CAMSAP2: variants seen among roughly 807,000 people sequenced by gnomAD.
The protein encoded by CAMSAP2 is calmodulin-regulated spectrin-associated protein 2.
Under a neutral mutation model 146.1 loss-of-function variants are expected in CAMSAP2, and 26 were observed. That is an observed-to-expected ratio of 0.18 (90% CI 0.13 to 0.25). The LOEUF is 0.25. Ranked by LOEUF, CAMSAP2 falls within the 10% of genes least tolerant of loss-of-function variation. The pLI is 1.00. For synonymous variants in CAMSAP2, 499 were observed against 596.6 expected (o/e 0.84, Z 2.38); for missense variants, 1,381 against 1,759.3 (o/e 0.78, Z 3.85).
chr1:200,771,842 C>T (rs2103013781), intron 2 of CAMSAP2, among the ~76,000 whole-genome samples: 1 of 152,280 alleles, frequency 6.6e-6, no homozygotes, highest in Non-Finnish European at 1.5e-5. Flanking sequence ...ACCGGTGCTG[C>T]TCAATTTCCA....
intron 1 of CAMSAP2, among the ~76,000 whole-genome samples, chr1:200,756,928 G>A (rs1664671112): frequency 6.6e-6 from 1 of 152,118 alleles, no homozygotes; most frequent in African/African-American, 2.4e-5. Flanking sequence ...TATTCATATC[G>A]GTACACCCTT....
At chr1:200,774,834 G>A (rs1000189023) in intron 2 of CAMSAP2, among the ~76,000 whole-genome samples, 1 of 152,186 alleles carries the variant, frequency 6.6e-6, no homozygotes, top group African/African-American at 2.4e-5. Flanking sequence ...TTCCTGGAGG[G>A]AACATCTTCA....
At chr1:200,777,449 A>G (rs1263962017) in intron 2 of CAMSAP2, among the ~76,000 whole-genome samples, 2 of 152,224 alleles carry the variant, frequency 1.3e-5, no homozygotes, top group Non-Finnish European at 2.9e-5. Flanking sequence ...AGAATATTGC[A>G]TGTATCTCTA....
intron 2 of CAMSAP2, among the ~76,000 whole-genome samples, chr1:200,786,298 T>C (rs1665587425): frequency 6.6e-6 from 1 of 152,148 alleles, no homozygotes; most frequent in African/African-American, 2.4e-5. Context: ...TAAAAAAATC[T>C]AGCTTCTTAA....
chr1:200,784,594 AT>A (rs56865744), intron 2 of CAMSAP2, among the ~76,000 whole-genome samples: 3 of 152,068 alleles, frequency 2.0e-5, no homozygotes, highest in Non-Finnish European at 2.9e-5. Context: ...AATTTTGAAC[AT>A]TTTTTTTATC....
intron 1 of CAMSAP2, among the ~76,000 whole-genome samples, chr1:200,747,986 C>CAAAAAAAA (rs901478330): frequency 1.5e-5 from 1 of 68,786 alleles, no homozygotes; most frequent in Non-Finnish European, 3.4e-5. Context: ...GACTCCGTCT[C>CAAAAAAAA]AAAAAAAAAA....
In CAMSAP2 at chr1:200,849,845, G is replaced by A; in HGVS notation, c.3076G>A (p.Gly1026Arg). ...GTCATTTGTATGTTTTGGGGATGAT[G>A]GAGAACCTCAGTTAAAGGAATCCAA... ...TRSFVCFGDDGEPQLKESKPK... is the reference protein window; with the variant it reads ...TRSFVCFGDDREPQLKESKPK... The change falls in exon 11 of 17, where the codon GGA (glycine) becomes AGA (arginine). Residue 1026 changes from glycine to arginine, a missense_variant. Coordinates refer to ENST00000358823, the MANE Select transcript of CAMSAP2 (RefSeq NM_203459.4). This position sits in a 1 kb window ranked among gnomAD's most constrained non-coding sequence, Gnocchi z 6.3. 1.2e-6 allele frequency: 2 copies of A among 1,614,156 alleles called. No homozygotes were observed. Among genetic ancestry groups the A allele is most frequent in the Non-Finnish European group, 1.7e-6 (2 of 1,180,040 alleles).
chr1:200,849,026 C>G lies in CAMSAP2; in HGVS notation c.2257C>G (p.Leu753Val), dbSNP rs764335575. 2 of 1,613,844 alleles carry G rather than the reference C, an allele frequency of 1.2e-6. No individual in the cohort carries two copies. The highest frequency in any genetic ancestry group is 1.3e-5 in the African/African-American group (1 of 74,854). The change falls in exon 11 of 17, where the codon CTT (leucine) becomes GTT (valine). Residue 753 changes from leucine to valine, a missense_variant. Around this residue, in one of 4 missense-constraint regions of CAMSAP2, gnomAD observed 560 missense variants for 715.9 expected, o/e 0.78. Coordinates refer to ENST00000358823, the MANE Select transcript of CAMSAP2 (RefSeq NM_203459.4). The surrounding 1 kb of genome is among the most constrained non-coding windows in gnomAD (Gnocchi z 6.3). ...GCTGTTGGCCTCTGAAATGGTGCATCTTAGGATGAAACTAGAAGAAAAGAG... is the reference window on the plus strand; with the variant it reads ...GCTGTTGGCCTCTGAAATGGTGCATGTTAGGATGAAACTAGAAGAAAAGAG... ...TQLLASEMVH[L>V]RMKLEEKRRA... is the part of the protein sequence containing the mutation.
In CAMSAP2 at chr1:200,832,580, C is replaced by T. The variant is rs2102217365; in HGVS notation, c.788-126C>T. On this transcript the variant is annotated intron_variant, in intron 5 of 16. Transcript: ENST00000358823. The surrounding 1 kb of genome is among the most constrained non-coding windows in gnomAD (Gnocchi z 4.2). Reference sequence around the variant, plus strand: ...GTTTCTAAGTCTTAATGTATAATGACTACTATATTTATAAATGTATGTTTG... The same window carrying T: ...GTTTCTAAGTCTTAATGTATAATGATTACTATATTTATAAATGTATGTTTG... 2.4e-6 allele frequency: 2 copies of T among 850,392 alleles called. No homozygotes were observed. The highest frequency in any genetic ancestry group is 1.8e-5 in the African/African-American group (1 of 56,996). 52.7% of individuals were successfully genotyped at this position (850,392 alleles called of 1,614,324 possible). A position where few individuals can be genotyped will look rare whatever the true frequency, so the allele number is the denominator to read the frequency against.
Position 200,849,297 on chromosome 1 carries a change from A to T in CAMSAP2, c.2528A>T (p.Asn843Ile). ...GCAGATATAAAAGAGAGCATGGAGA[A>T]TCCTCAAGCCAAATGGCTAAAGTCT... ...SLADIKESME[N>I]PQAKWLKSPT... The change falls in exon 11 of 17, where the codon AAT (asparagine) becomes ATT (isoleucine). Residue 843 changes from asparagine to isoleucine, a missense_variant. This residue lies in a region of CAMSAP2 where 560 missense variants were observed against 715.9 expected (regional missense o/e 0.78). Coordinates refer to ENST00000358823, the MANE Select transcript of CAMSAP2 (RefSeq NM_203459.4). The surrounding 1 kb of genome is among the most constrained non-coding windows in gnomAD (Gnocchi z 6.3). The T allele has an allele frequency of 6.2e-7, 1 of 1,614,074 alleles. No individual in the cohort carries two copies. Among genetic ancestry groups the T allele is most frequent in the African/African-American group, 1.3e-5 (1 of 75,064 alleles).
At chr1:200,758,237 T>A (rs1664700817) in intron 1 of CAMSAP2, among the ~76,000 whole-genome samples, 1 of 152,222 alleles carries the variant, frequency 6.6e-6, no homozygotes, top group Non-Finnish European at 1.5e-5. Flanking sequence ...ATAATGAGCA[T>A]TTACTTTTCA....
At chr1:200,748,179 C>T (rs925532579) in intron 1 of CAMSAP2, among the ~76,000 whole-genome samples, 1 of 152,112 alleles carries the variant, frequency 6.6e-6, no homozygotes, top group Non-Finnish European at 1.5e-5. Flanking sequence ...TTCATGTACC[C>T]ATCATCCAGC....
At position 200,852,606 on chromosome 1, in the gene CAMSAP2, A is replaced by T; in HGVS notation, c.3531A>T (p.Arg1177Ser). The T allele has an allele frequency of 1.2e-6, 2 of 1,613,936 alleles. No homozygotes were observed. The highest frequency in any genetic ancestry group is 1.7e-6 in the Non-Finnish European group (2 of 1,179,940). Residue 1177 changes from arginine to serine, a missense_variant, in exon 12 of 17, where the codon AGA becomes AGT. By Grantham distance (110) the Arg-to-Ser change is moderately radical (BLOSUM62 -1). Transcript: ENST00000358823. Reference sequence around the variant, plus strand: ...CAGCTTTGTTGGAGAAAAGATTAAGAAGGGAAAAGGAAACTCAGCTCCGGA... The same window carrying T: ...CAGCTTTGTTGGAGAAAAGATTAAGTAGGGAAAAGGAAACTCAGCTCCGGA... ...KRAALLEKRL[R>S]REKETQLRKQ...
intron 2 of CAMSAP2, among the ~76,000 whole-genome samples, chr1:200,780,852 A>G (rs1277503956): frequency 6.6e-6 from 1 of 152,206 alleles, no homozygotes; most frequent in Non-Finnish European, 1.5e-5. Context: ...AACGAGGTGG[A>G]TATCATGACT....
At chr1:200,757,658 G>C (rs956752173) in intron 1 of CAMSAP2, among the ~76,000 whole-genome samples, 5 of 151,706 alleles carry the variant, frequency 3.3e-5, no homozygotes, top group East Asian at 3.9e-4. Flanking sequence ...TATACCATTG[G>C]TAAAATGATA....
In CAMSAP2 at chr1:200,739,515, C is replaced by A; in HGVS notation, c.-313C>A. On this transcript the variant is annotated 5_prime_UTR_variant, in exon 1 of 17. Transcript: ENST00000358823. This position sits in a 1 kb window ranked among gnomAD's most constrained non-coding sequence, Gnocchi z 4.8. ...GAGACAAAGGGGAGGCGGCCTCGCT[C>A]ACACGCGGGCTCGCGGGGCGGGTGG... is the stretch of plus-strand genomic sequence containing the variant. The A allele has an allele frequency of 1.2e-5, 2 of 163,908 alleles. No individual in the cohort carries two copies. Among genetic ancestry groups the A allele is most frequent in the South Asian group, 3.6e-4 (2 of 5,618 alleles). 10.2% of individuals were successfully genotyped at this position (163,908 alleles called of 1,614,324 possible). A position where few individuals can be genotyped will look rare whatever the true frequency, so the allele number is the denominator to read the frequency against.
chr1:200,775,534 G>A (rs1405314909), intron 2 of CAMSAP2, among the ~76,000 whole-genome samples: 1 of 151,798 alleles, frequency 6.6e-6, no homozygotes, highest in Non-Finnish European at 1.5e-5. Flanking sequence ...AGGCTTTTTT[G>A]TTGTTTGTTT....
At chr1:200,846,652 C>T (rs1337340296) in intron 8 of CAMSAP2, among the ~76,000 whole-genome samples, 1 of 152,162 alleles carries the variant, frequency 6.6e-6, no homozygotes, top group African/African-American at 2.4e-5. Context: ...TATTTTTACC[C>T]TTCCTGGGAA....
At chr1:200,804,904 CTT>C (rs1666133228) in intron 2 of CAMSAP2, among the ~76,000 whole-genome samples, 1 of 152,150 alleles carries the variant, frequency 6.6e-6, no homozygotes. Context: ...AACAAAATGA[CTT>C]AACTCCTGCC....
Sources: gnomAD v4.1 joint callset for allele counts (sites outside exome capture counted in the v4.1 genomes callset) on GRCh38, gnomAD v4.1.1 for gene constraint, gnomAD v4.1.1 regional missense constraint, Gnocchi (gnomAD v3.1) non-coding constraint, MANE v1.5 for transcripts, NCBI Gene and HGNC (gene_info 2026-07-23, HGNC 2026-07-21) for gene names.